The following LARGE1 variants were observed in gnomAD, a reference collection of about 807,000 sequenced individuals.
LARGE1 encodes xylosyl- and glucuronyltransferase LARGE1.
Under a neutral mutation model 87.6 loss-of-function variants are expected in LARGE1, and 43 were observed. The observed-to-expected ratio is 0.49, with a 90% CI of 0.38 to 0.63. The LOEUF (loss-of-function observed/expected upper bound fraction) is 0.63. Ranked by LOEUF, LARGE1 falls within the 30% of genes least tolerant of loss-of-function variation. The probability of loss-of-function intolerance (pLI) is 0.00; values close to 1 mark genes in which losing one functional copy is unlikely to be tolerated. For missense variants in LARGE1, 802 were observed against 1,000.2 expected, an observed-to-expected ratio of 0.80 and a Z score of 2.67; for synonymous variants, 434 against 394.6, an observed-to-expected ratio of 1.10 and a Z score of -1.18.
chr22:33,530,723 C>T (rs190059191), intron 6 of LARGE1, among the ~76,000 whole-genome samples: 7 of 152,228 alleles, frequency 4.6e-5, no homozygotes, highest in Admixed American at 4.6e-4. Flanking sequence ...CCCTGCAGAG[C>T]CTGAGTCTCC....
At chr22:33,615,594 C>T (rs1425914582) in intron 4 of LARGE1, among the ~76,000 whole-genome samples, 3 of 151,784 alleles carry the variant, frequency 2.0e-5, no homozygotes, top group South Asian at 2.1e-4. Flanking sequence ...TACCAGATCC[C>T]GATCTCAGAC....
intron 6 of LARGE1, among the ~76,000 whole-genome samples, chr22:33,468,821 C>A (rs2068716673): frequency 6.6e-6 from 1 of 152,120 alleles, no homozygotes; most frequent in South Asian, 2.1e-4. Context: ...GCTGCCTCCC[C>A]AAAAGTCTCA....
chr22:33,556,242 C>T (rs955332350), intron 6 of LARGE1, among the ~76,000 whole-genome samples: 1 of 152,002 alleles, frequency 6.6e-6, no homozygotes, highest in Non-Finnish European at 1.5e-5. Context: ...GGCTCTGAGA[C>T]CAGCCTGGCT....
intron 9 of LARGE1, among the ~76,000 whole-genome samples, chr22:33,342,088 G>A (rs1050831213): frequency 6.6e-6 from 1 of 152,196 alleles, no homozygotes; most frequent in African/African-American, 2.4e-5. Flanking sequence ...GGAGAGGGAA[G>A]ACTCTCCCCT....
chr22:33,445,760 C>T (rs2067662642), intron 6 of LARGE1, among the ~76,000 whole-genome samples: 1 of 151,936 alleles, frequency 6.6e-6, no homozygotes, highest in African/African-American at 2.4e-5. Context: ...AGCAATTCTC[C>T]TGTCTCAGCC....
At chr22:33,269,716 A>G (rs1174206341), downstream of LARGE1, among the ~76,000 whole-genome samples, 1 of 151,952 alleles carries the variant, frequency 6.6e-6, no homozygotes, top group East Asian at 1.9e-4. Flanking sequence ...TCTTAAGACT[A>G]TATTAACCTG....
chr22:33,914,705 T>C (rs1026740166), intron 1 of LARGE1, among the ~76,000 whole-genome samples: 3 of 152,170 alleles, frequency 2.0e-5, no homozygotes, highest in African/African-American at 7.2e-5. Flanking sequence ...CCTCTTTCTT[T>C]CCATTTAAGA....
At chr22:33,170,754 A>C (rs1922524649) in intron 11 of LARGE1, among the ~76,000 whole-genome samples, 4 of 152,206 alleles carry the variant, frequency 2.6e-5, no homozygotes. Flanking sequence ...TGGTATCTTT[A>C]TAACAGTGTG....
chr22:33,593,002 G>T (rs2078885611), intron 5 of LARGE1, among the ~76,000 whole-genome samples: 1 of 152,066 alleles, frequency 6.6e-6, no homozygotes, highest in African/African-American at 2.4e-5. Context: ...ACCACATCCG[G>T]CTAATTTTTT....
intron 3 of LARGE1, among the ~76,000 whole-genome samples, chr22:33,643,054 A>G (rs1385395184): frequency 6.6e-6 from 1 of 152,190 alleles, no homozygotes; most frequent in Non-Finnish European, 1.5e-5. Flanking sequence ...GACTTAATAA[A>G]TATCTACGGA....
intron 6 of LARGE1, among the ~76,000 whole-genome samples, chr22:33,515,727 G>A (rs1181525624): frequency 2.0e-5 from 3 of 152,180 alleles, no homozygotes; most frequent in Admixed American, 1.3e-4. Flanking sequence ...TGCATGGAAA[G>A]TTCCCTGGTC....
At chr22:33,353,004 C>A (rs1053446833) in intron 9 of LARGE1, among the ~76,000 whole-genome samples, 4 of 152,156 alleles carry the variant, frequency 2.6e-5, no homozygotes, top group African/African-American at 9.7e-5. Context: ...TAAGCTCTTC[C>A]TTAGCTACAT....
chr22:33,430,862 C>G (rs1245655267), intron 7 of LARGE1, among the ~76,000 whole-genome samples: 1 of 152,172 alleles, frequency 6.6e-6, no homozygotes, highest in Non-Finnish European at 1.5e-5. Context: ...TGGAGTCTGA[C>G]CATCAGCTCT....
chr22:33,374,751 G>T (rs2064936990), intron 9 of LARGE1, among the ~76,000 whole-genome samples: 1 of 151,884 alleles, frequency 6.6e-6, no homozygotes, highest in African/African-American at 2.4e-5. Context: ...ACATTTATGG[G>T]TATCTACCCA....
chr22:33,358,525 CT>C lies in LARGE1; in HGVS notation c.1132-20725del, dbSNP rs58463922. 2.1e-3 allele frequency among the ~76,000 whole-genome samples: 315 copies of C among 152,230 alleles called. 2 individuals carry two copies. The highest frequency in any genetic ancestry group is 6.7e-3 in the African/African-American group (278 of 41,526). On this transcript the variant is annotated intron_variant, in intron 9 of 14. Coordinates refer to ENST00000397394, the MANE Select transcript of LARGE1 (RefSeq NM_133642.5). ...GTTTCAATGCTTGAGTTATGGGCTA[CT>C]TTTTTTATGCAAATGCTATAAATTG...
chr22:33,252,208 TATAA>T (rs950715721), intron 11 of LARGE1, among the ~76,000 whole-genome samples: 4 of 152,084 alleles, frequency 2.6e-5, no homozygotes, highest in Admixed American at 6.6e-5. Context: ...ATTTTTAAGT[TATAA>T]ATATTTATAA....
intron 6 of LARGE1, among the ~76,000 whole-genome samples, chr22:33,513,853 T>C (rs557858978): frequency 3.4e-5 from 3 of 88,660 alleles, no homozygotes; most frequent in Admixed American, 1.2e-4. Context: ...ACACGAGTCA[T>C]GTGCCACATA....
intron 1 of LARGE1, among the ~76,000 whole-genome samples, chr22:33,899,091 C>A (rs552810500): frequency 1.3e-5 from 2 of 152,216 alleles, no homozygotes; most frequent in African/African-American, 4.8e-5. Context: ...ATTCCCATTT[C>A]AATTACCACA....
intron 9 of LARGE1, among the ~76,000 whole-genome samples, chr22:33,355,285 A>T: frequency 6.6e-6 from 1 of 152,196 alleles, no homozygotes; most frequent in East Asian, 1.9e-4. Context: ...CATTATGTGG[A>T]AATTAGCAGT....
Sources: allele counts gnomAD v4.1 joint callset (sites outside exome capture counted in the v4.1 genomes callset), GRCh38; gene constraint gnomAD v4.1.1; transcripts MANE v1.5; gene names NCBI Gene and HGNC (gene_info 2026-07-23, HGNC 2026-07-21).